The following GPRC6A variants were observed in gnomAD, a reference collection of about 807,000 sequenced individuals.
The protein encoded by GPRC6A is G protein-coupled receptor class C group 6 member A.
In GPRC6A, 54 loss-of-function variants were observed where a neutral mutation model predicts 47.0. The ratio of observed to expected loss-of-function variants is 1.15; its 90% CI spans 0.92 to 1.44. The LOEUF (loss-of-function observed/expected upper bound fraction) is 1.44. GPRC6A is among the 40% of genes most tolerant of loss of function. GPRC6A has a pLI of 0.00. For synonymous variants in GPRC6A, 347 were observed against 377.1 expected, an observed-to-expected ratio of 0.92 and a Z score of 0.93; for missense variants, 1,112 against 1,105.5, an observed-to-expected ratio of 1.01 and a Z score of -0.08.
chr6:116,793,375 C>T, intron 5 of GPRC6A, 125 bp from the exon 6 acceptor site: 1 of 554,610 alleles, frequency 1.8e-6, no homozygotes, highest in South Asian at 4.9e-5. Context: ...ATGATTGTTA[C>T]ATTGGTTACT....
chr6:116,815,071 C>G (rs1773161748), intron 1 of GPRC6A, among the ~76,000 whole-genome samples: 1 of 152,080 alleles, frequency 6.6e-6, no homozygotes, highest in Admixed American at 6.5e-5. Flanking sequence ...CACCCAGATT[C>G]ATAAAGCAAA....
chr6:116,810,991 C>A (rs891330047), intron 1 of GPRC6A, among the ~76,000 whole-genome samples: 1 of 152,002 alleles, frequency 6.6e-6, no homozygotes, highest in South Asian at 2.1e-4. Context: ...CCTGGAGGCC[C>A]AAGAATTGGC....
At chr6:116,822,851 A>G (rs1773543842) in intron 1 of GPRC6A, among the ~76,000 whole-genome samples, 1 of 150,676 alleles carries the variant, frequency 6.6e-6, no homozygotes, top group Non-Finnish European at 1.5e-5. Context: ...CCTAAAACTT[A>G]AAGTATAATA....
chr6:116,816,818 G>C (rs1283847045), intron 1 of GPRC6A, among the ~76,000 whole-genome samples: 1 of 152,050 alleles, frequency 6.6e-6, no homozygotes, highest in Non-Finnish European at 1.5e-5. Flanking sequence ...CGAATACTGC[G>C]CTTTTCTGAC....
intron 1 of GPRC6A, among the ~76,000 whole-genome samples, chr6:116,825,008 G>A (rs963419745): frequency 6.6e-6 from 1 of 152,124 alleles, no homozygotes; most frequent in African/African-American, 2.4e-5. Context: ...CTCAATAGAT[G>A]TAGAAAAAGT....
At chr6:116,828,260 C>A (rs1554191789) in intron 1 of GPRC6A, among the ~76,000 whole-genome samples, 3 of 152,068 alleles carry the variant, frequency 2.0e-5, no homozygotes, top group South Asian at 2.1e-4. Context: ...AGTGAAATGT[C>A]TTTCTCATAG....
At chr6:116,806,115 CA>C (rs1772828622) in intron 3 of GPRC6A, among the ~76,000 whole-genome samples, 1 of 151,942 alleles carries the variant, frequency 6.6e-6, no homozygotes, top group East Asian at 1.9e-4. Context: ...ATAGCAACAT[CA>C]AAAGAATTTT....
Position 116,792,364 on chromosome 6 carries a change from G to T in GPRC6A, c.2559C>A (p.Ile853=). Residue 853 remains isoleucine (I), a synonymous_variant, in exon 6 of 6, where the codon ATC becomes ATA. Coordinates refer to ENST00000310357, the MANE Select transcript of GPRC6A (RefSeq NM_148963.4). ...INTKSAFLKM[I]YSYSSHSVSS... is the part of the protein sequence containing the mutation. ...TCACACTATGGGAAGAATAACTGTA[G>T]ATCATCTTGAGAAAGGCAGACTTTG... The T allele has an allele frequency of 6.2e-7, 1 of 1,613,962 alleles. No individual in the cohort carries two copies. The highest frequency in any genetic ancestry group is 2.2e-5 in the East Asian group (1 of 44,868).
chr6:116,818,583 C>T (rs1164007932), intron 1 of GPRC6A, among the ~76,000 whole-genome samples: 4 of 116,220 alleles, frequency 3.4e-5, no homozygotes, highest in East Asian at 2.7e-4. Flanking sequence ...ATTTTCAACC[C>T]AGAATTTCAT....
intron 1 of GPRC6A, among the ~76,000 whole-genome samples, chr6:116,823,166 C>A (rs944658980): frequency 1.3e-5 from 2 of 152,024 alleles, no homozygotes; most frequent in Admixed American, 6.6e-5. Flanking sequence ...TTTACACTCT[C>A]CTTCTGTTTT....
At chr6:116,828,329 G>A (rs993132113) in intron 1 of GPRC6A, among the ~76,000 whole-genome samples, 1 of 152,014 alleles carries the variant, frequency 6.6e-6, no homozygotes, top group African/African-American at 2.4e-5. Context: ...GAGTTGAGGA[G>A]GGTCTTAATT....
At chr6:116,817,392 A>C (rs1287604134) in intron 1 of GPRC6A, among the ~76,000 whole-genome samples, 1 of 151,044 alleles carries the variant, frequency 6.6e-6, no homozygotes, top group Admixed American at 6.6e-5. Context: ...TCTGTACATC[A>C]CCATCATCAA....
At chr6:116,827,959 A>G (rs1240418558) in intron 1 of GPRC6A, among the ~76,000 whole-genome samples, 1 of 152,116 alleles carries the variant, frequency 6.6e-6, no homozygotes. Context: ...ACATAGAAAC[A>G]TAAAAATAGA....
At chr6:116,824,825 T>C (rs906472633) in intron 1 of GPRC6A, among the ~76,000 whole-genome samples, 6 of 151,918 alleles carry the variant, frequency 3.9e-5, no homozygotes, top group Non-Finnish European at 5.9e-5. Context: ...CTGATGAACA[T>C]ACATGCAAAA....
At chr6:116,823,224 C>T (rs928994579) in intron 1 of GPRC6A, among the ~76,000 whole-genome samples, 1 of 152,056 alleles carries the variant, frequency 6.6e-6, no homozygotes, top group African/African-American at 2.4e-5. Flanking sequence ...CACATATGAG[C>T]TAGGCTATTA....
At chr6:116,818,456 C>A (rs1226999155) in intron 1 of GPRC6A, among the ~76,000 whole-genome samples, 2 of 125,210 alleles carry the variant, frequency 1.6e-5, no homozygotes, top group African/African-American at 6.0e-5. Context: ...ATGGCGTGAA[C>A]CCGGGAGGCG....
Position 116,793,208 on chromosome 6 carries a change from G to A in GPRC6A, c.1715C>T (p.Ala572Val). Residue 572 changes from alanine to valine, a missense_variant, in exon 6 of 6, where the codon GCC (alanine) becomes GTC (valine). Transcript: ENST00000310357. Reference protein sequence around the residue: ...CLLCNNKTHWAPVRSTMCFEK... With the variant: ...CLLCNNKTHWVPVRSTMCFEK... Reference sequence around the variant, plus strand: ...AAAGCACATAGTGCTCCTAACAGGGGCCCAGTGAGTTTTGTTGTTGCATAA... The same window carrying A: ...AAAGCACATAGTGCTCCTAACAGGGACCCAGTGAGTTTTGTTGTTGCATAA... The A allele has an allele frequency of 6.2e-7, 1 of 1,606,040 alleles. No homozygotes were observed. The highest frequency in any genetic ancestry group is 2.2e-5 in the East Asian group (1 of 44,802).
chr6:116,808,657 T>A (rs550952115), intron 2 of GPRC6A, among the ~76,000 whole-genome samples: 36 of 152,298 alleles, frequency 2.4e-4, no homozygotes, highest in Admixed American at 1.8e-3. Flanking sequence ...CATTTCTTTA[T>A]CATCTGAATA....
chr6:116,792,125 C>T lies in GPRC6A; in HGVS notation c.*17G>A. 1.9e-6 allele frequency: 3 copies of T among 1,576,682 alleles called. No homozygotes were observed. In the South Asian group the frequency reaches 3.5e-5, roughly 19 times the overall value. ...GGAAACATTTTATTCTGGAATGTGG[C>T]ATCTCCTAAGGCTTATTCATATACT... is the stretch of plus-strand genomic sequence containing the variant. On this transcript the variant is annotated 3_prime_UTR_variant, in exon 6 of 6. Coordinates refer to ENST00000310357, the MANE Select transcript of GPRC6A (RefSeq NM_148963.4).
Sources: gnomAD v4.1 joint callset for allele counts (sites outside exome capture counted in the v4.1 genomes callset) on GRCh38, gnomAD v4.1.1 for gene constraint, MANE v1.5 for transcripts, NCBI Gene and HGNC (gene_info 2026-07-23, HGNC 2026-07-21) for gene names.